FRS2: variants seen among roughly 807,000 people sequenced by gnomAD.
FRS2 encodes the protein FGFR signalling adaptor.
Under a neutral mutation model 43.9 loss-of-function variants are expected in FRS2, and 8 were observed. The ratio of observed to expected loss-of-function variants is 0.18; its 90% CI spans 0.11 to 0.33. The LOEUF (loss-of-function observed/expected upper bound fraction) is 0.33, where lower values mean the gene tolerates loss of function less well. Among genes scored for constraint, FRS2 ranks in the 10% least tolerant of loss-of-function variants. FRS2 has a pLI of 1.00. For synonymous variants in FRS2, 219 were observed against 220.3 expected (o/e 0.99, Z 0.05); for missense variants, 534 against 627.6 (o/e 0.85, Z 1.59).
At chr12:69,489,187 GGT>G (rs1004150703) in intron 1 of FRS2, among the ~76,000 whole-genome samples, 15 of 152,112 alleles carry the variant, frequency 9.9e-5, no homozygotes, top group Non-Finnish European at 1.9e-4. Flanking sequence ...CTTCTGTGCA[GGT>G]GTTTGATGCC....
Position 69,570,469 on chromosome 12 carries a change from T to C in FRS2, c.205T>C (p.Ser69Pro). 1 of 1,613,450 alleles carries C rather than the reference T, an allele frequency of 6.2e-7. No individual in the cohort carries two copies. Among genetic ancestry groups the C allele is most frequent in the Non-Finnish European group, 8.5e-7 (1 of 1,179,328 alleles). The change falls in exon 6 of 9, where the codon TCG (serine) becomes CCG (proline). Residue 69 changes from serine (S) to proline (P), a missense_variant. Ser to Pro is a moderately conservative substitution (Grantham distance 74). This residue lies in a region of FRS2 where 76 missense variants were observed against 90.5 expected (regional missense o/e 0.84). Transcript: ENST00000549921. ...YLCLRRYGYDSNLFSFESGRR... is the reference protein window; with the variant it reads ...YLCLRRYGYDPNLFSFESGRR... ...CTGCCTGCGACGCTATGGCTATGAC[T>C]CGAATCTCTTTTCTTTTGAAAGTGG...
chr12:69,545,068 A>G (rs1878249653), intron 3 of FRS2, among the ~76,000 whole-genome samples: 1 of 152,216 alleles, frequency 6.6e-6, no homozygotes, highest in Non-Finnish European at 1.5e-5. Context: ...AATAGCATCA[A>G]AAAGAATAAA....
intron 1 of FRS2, among the ~76,000 whole-genome samples, chr12:69,530,193 TTAA>T (rs1424674876): frequency 6.7e-6 from 1 of 149,390 alleles, no homozygotes; most frequent in Non-Finnish European, 1.5e-5. Flanking sequence ...CTTACAACAA[TTAA>T]TGATAATAAT....
intron 1 of FRS2, among the ~76,000 whole-genome samples, chr12:69,478,724 A>ATGTGTGTGTGTGTG (rs59945124): frequency 1.6e-4 from 23 of 146,326 alleles, no homozygotes; most frequent in African/African-American, 5.6e-4. Context: ...ATACATCATT[A>ATGTGTGTGTGTGTG]TGTGTGTGTG....
intron 1 of FRS2, among the ~76,000 whole-genome samples, chr12:69,477,315 G>C (rs1035138558): frequency 3.5e-5 from 4 of 113,238 alleles, no homozygotes; most frequent in East Asian, 2.7e-4. Context: ...GAGTCTCGCT[G>C]TGTCCCCCAG....
chr12:69,525,406 T>C (rs1876116976), intron 1 of FRS2, among the ~76,000 whole-genome samples: 1 of 152,162 alleles, frequency 6.6e-6, no homozygotes, highest in Non-Finnish European at 1.5e-5. Context: ...TACATATCTA[T>C]GTGCTCTGTG....
intron 1 of FRS2, among the ~76,000 whole-genome samples, chr12:69,509,784 C>T (rs1025121776): frequency 1.7e-4 from 26 of 152,280 alleles, no homozygotes; most frequent in Middle Eastern, 3.4e-3. Flanking sequence ...TCCCAATTCT[C>T]CTCATCCTTA....
At chr12:69,572,391 T>C (rs900834451) in intron 8 of FRS2, 110 bp downstream of exon 8, 1 of 861,530 alleles carries the variant, frequency 1.2e-6, no homozygotes, top group Non-Finnish European at 1.8e-6. Flanking sequence ...TATCTGTTTG[T>C]AAATTACTTT....
chr12:69,539,538 A>T (rs956094690), intron 3 of FRS2, among the ~76,000 whole-genome samples: 4 of 152,202 alleles, frequency 2.6e-5, no homozygotes, highest in African/African-American at 9.6e-5. Flanking sequence ...TGCACGCATC[A>T]TGTGAGGTCA....
chr12:69,530,474 T>TAC (rs1293155370), intron 1 of FRS2, among the ~76,000 whole-genome samples: 2 of 151,842 alleles, frequency 1.3e-5, no homozygotes, highest in Non-Finnish European at 2.9e-5. Context: ...CATGGTGGCT[T>TAC]ACACCTGTAA....
At chr12:69,473,166 T>G (rs1241919160) in intron 1 of FRS2, among the ~76,000 whole-genome samples, 1 of 152,246 alleles carries the variant, frequency 6.6e-6, no homozygotes, top group Non-Finnish European at 1.5e-5. Flanking sequence ...CAGCATTTTC[T>G]TAGCTTCACA....
chr12:69,565,911 TATC>T (rs763022406), intron 4 of FRS2, among the ~76,000 whole-genome samples: 1 of 152,244 alleles, frequency 6.6e-6, no homozygotes, highest in Non-Finnish European at 1.5e-5. Context: ...CATAGTCATT[TATC>T]ATTATCAAGT....
At chr12:69,548,274 G>A (rs911221740) in intron 3 of FRS2, among the ~76,000 whole-genome samples, 2 of 152,172 alleles carry the variant, frequency 1.3e-5, no homozygotes, top group South Asian at 2.1e-4. Context: ...AGAAATGTTG[G>A]TAACTTGGAC....
intron 1 of FRS2, among the ~76,000 whole-genome samples, chr12:69,510,814 CTG>C (rs774561252): frequency 9.2e-5 from 14 of 152,114 alleles, no homozygotes; most frequent in Non-Finnish European, 1.9e-4. Flanking sequence ...TATAGTGAAT[CTG>C]TTTTTCATCT....
chr12:69,536,411 C>T (rs1299846594), intron 3 of FRS2, among the ~76,000 whole-genome samples: 2 of 151,940 alleles, frequency 1.3e-5, no homozygotes, highest in East Asian at 3.9e-4. Flanking sequence ...GCGTGAGTCC[C>T]CGCACCCGGC....
At chr12:69,494,840 C>T (rs1054128755) in intron 1 of FRS2, among the ~76,000 whole-genome samples, 1 of 152,156 alleles carries the variant, frequency 6.6e-6, no homozygotes, top group African/African-American at 2.4e-5. Flanking sequence ...GTGGTGCACT[C>T]TCGGCTCGCT....
At chr12:69,538,512 T>TAA (rs1307694598) in intron 3 of FRS2, among the ~76,000 whole-genome samples, 1 of 152,122 alleles carries the variant, frequency 6.6e-6, no homozygotes, top group Non-Finnish European at 1.5e-5. Flanking sequence ...ATGTTTAAGC[T>TAA]AAAATAAAAT....
intron 3 of FRS2, among the ~76,000 whole-genome samples, chr12:69,544,400 A>C (rs1878183567): frequency 6.6e-6 from 1 of 152,156 alleles, no homozygotes; most frequent in Admixed American, 6.5e-5. Context: ...GATTTAAAAA[A>C]ACACTAAAAC....
intron 1 of FRS2, among the ~76,000 whole-genome samples, chr12:69,520,330 G>A (rs566910): frequency 0.6 from 90,150 of 149,278 alleles, 28,724 homozygotes; most frequent in African/African-American, 0.82. Flanking sequence ...ATAGTTTGCA[G>A]ATATTTTCTC....
Sources: gnomAD v4.1 joint callset for allele counts (sites outside exome capture counted in the v4.1 genomes callset) on GRCh38, gnomAD v4.1.1 for gene constraint, gnomAD v4.1.1 regional missense constraint, MANE v1.5 for transcripts, NCBI Gene and HGNC (gene_info 2026-07-23, HGNC 2026-07-21) for gene names.